Variants in INAFM1 observed in about 807,000 individuals in gnomAD.
INAFM1 encodes the protein InaF motif containing 1, also known as putative transmembrane protein INAFM1.
INAFM1 carries 11 observed loss-of-function variants against 9.4 expected under a neutral mutation model. That is an observed-to-expected ratio of 1.17 (90% confidence interval 0.74 to 1.94). INAFM1 has a LOEUF of 1.94. Ranked by LOEUF, INAFM1 falls within the 30% of genes most tolerant of loss-of-function variation. The probability of loss-of-function intolerance (pLI) is 0.00; values close to 1 mark genes in which losing one functional copy is unlikely to be tolerated. For missense variants in INAFM1, 318 were observed against 221.6 expected, an observed-to-expected ratio of 1.44 and a Z score of -2.76; for synonymous variants, 161 against 109.5, an observed-to-expected ratio of 1.47 and a Z score of -2.94.
In INAFM1 at chr19:47,275,241, C is replaced by T. The variant is rs1343119335; in HGVS notation, c.322C>T (p.Gln108Ter). 2 of 1,536,808 alleles carry T rather than the reference C, an allele frequency of 1.3e-6. No individual in the cohort carries two copies. Among genetic ancestry groups the T allele is most frequent in the Non-Finnish European group, 1.8e-6 (2 of 1,141,742 alleles). The change falls in exon 1 of 1, where the codon CAG becomes TAG. Residue 108 changes from glutamine to a stop codon, truncating the protein, a stop_gained. Transcript: ENST00000552360. LOFTEE classifies it high-confidence loss of function. ...CCCCGGCGGGCCGCGACCCCAGCTC[C>T]AGCTGCCGCTGAGCCGCCGCCGCCG... ...GVPGGPRPQL[Q>*]LPLSRRRRYS...
rs1287177042 is a variant in INAFM1, at chr19:47,275,370, G to A, written c.*22G>A. 3 of 1,531,356 alleles carry A rather than the reference G, an allele frequency of 2.0e-6. No individual in the cohort carries two copies. The highest frequency in any genetic ancestry group is 1.8e-6 in the Non-Finnish European group (2 of 1,138,092). The allele number at this position is 1,531,356 out of a possible 1,614,324, so 94.9% of individuals were successfully genotyped here. On this transcript the variant is annotated 3_prime_UTR_variant, in exon 1 of 1. Transcript: ENST00000552360. ...GTAACTCTCCCTTCCACCCCAACCC[G>A]GATCGCCAGCCCTCGAGAGCTCTGT...
Position 47,275,186 on chromosome 19 carries a change from C to A in INAFM1, c.267C>A (p.Ala89=). Reference sequence around the variant, plus strand: ...GCGTGCCGCCTGTCCCGGCGCCCGCCGCTGCCTCCCTCTCCTGCCTCCTGG... The same window carrying A: ...GCGTGCCGCCTGTCCCGGCGCCCGCAGCTGCCTCCCTCTCCTGCCTCCTGG... ...RPGVPPVPAP[A]AASLSCLLGV... is the part of the protein sequence containing the mutation. The change falls in exon 1 of 1, where the codon GCC becomes GCA. Residue 89 remains alanine (A), a synonymous_variant. Coordinates refer to ENST00000552360, the MANE Select transcript of INAFM1 (RefSeq NM_178511.6). The A allele has an allele frequency of 6.8e-7, 1 of 1,477,012 alleles. No individual in the cohort carries two copies. The highest frequency in any genetic ancestry group is 8.9e-7 in the Non-Finnish European group (1 of 1,119,886). 91.5% of individuals were successfully genotyped at this position (1,477,012 alleles called of 1,614,324 possible). A position where few individuals can be genotyped will look rare whatever the true frequency, so the allele number is the denominator to read the frequency against.
In INAFM1 at chr19:47,275,602, G is replaced by T; in HGVS notation, c.*254G>T. On this transcript the variant is annotated 3_prime_UTR_variant, in exon 1 of 1. Coordinates refer to ENST00000552360, the MANE Select transcript of INAFM1 (RefSeq NM_178511.6). ...CTGAGCTCTGTCTCCTGCCCCTCCT[G>T]CTGTGGGATGCTGAGCACAGAGCCC... The T allele has an allele frequency of 3.8e-6, 2 of 526,348 alleles. No individual in the cohort carries two copies. Among genetic ancestry groups the T allele is most frequent in the South Asian group, 5.4e-5 (2 of 36,980 alleles). The allele number at this position is 526,348 out of a possible 1,614,324, so 32.6% of individuals were successfully genotyped here. A position where few individuals can be genotyped will look rare whatever the true frequency, so the allele number is the denominator to read the frequency against.
upstream of INAFM1, chr19:47,274,804 G>A: frequency 1.4e-6 from 1 of 719,668 alleles, no homozygotes; most frequent in East Asian, 5.1e-5. Context: ...CATGCTGGCG[G>A]GGGCGGGGCC....
In INAFM1 at chr19:47,274,956, AG is replaced by A. The variant is rs1310527120; in HGVS notation, c.38del (p.Ser13ThrfsTer7). 2 of 1,371,656 alleles carry A rather than the reference AG, an allele frequency of 1.5e-6. No homozygotes were observed. Among genetic ancestry groups the A allele is most frequent in the Non-Finnish European group, 1.9e-6 (2 of 1,072,842 alleles). The allele number at this position is 1,371,656 out of a possible 1,614,324, so 85.0% of individuals were successfully genotyped here. ...CAGCTGCGTGGGCGGCGGCGCCGAG[AG>A]CCCCGGAGGCGCGGGGCTGAGCGAG... Reference protein sequence around the residue: ...GTSCVGGGAESPGGAGLSEGP... With the variant: ...GTSCVGGGAEXPGGAGLSEGP... On this transcript the variant is annotated frameshift_variant, in exon 1 of 1. Transcript: ENST00000552360. LOFTEE classifies it high-confidence loss of function.
In INAFM1 at chr19:47,275,387, G is replaced by A; in HGVS notation, c.*39G>A. 6.6e-7 allele frequency: 1 copy of A among 1,526,286 alleles called. No individual in the cohort carries two copies. Among genetic ancestry groups the A allele is most frequent in the Non-Finnish European group, 8.8e-7 (1 of 1,135,756 alleles). 94.5% of individuals were successfully genotyped at this position (1,526,286 alleles called of 1,614,324 possible). On this transcript the variant is annotated 3_prime_UTR_variant, in exon 1 of 1. Transcript: ENST00000552360. ...CCCAACCCGGATCGCCAGCCCTCGA[G>A]AGCTCTGTGCTCCACGCCGAGGATG...
At position 47,275,534 on chromosome 19, in the gene INAFM1, T is replaced by C. The variant is rs1465025834; in HGVS notation, c.*186T>C. 6 of 789,694 alleles carry C rather than the reference T, an allele frequency of 7.6e-6. No individual in the cohort carries two copies. The African/African-American group carries it at 1.1e-4, about 15-fold the overall frequency. 48.9% of individuals were successfully genotyped at this position (789,694 alleles called of 1,614,324 possible). ...TCGGGGCCTTGCCTCTTGCAGCTAC[T>C]CTGTGGTCAGGCCGGGTCCTCCACC... On this transcript the variant is annotated 3_prime_UTR_variant, in exon 1 of 1. Transcript: ENST00000552360.
In INAFM1 at chr19:47,274,928, G is replaced by C. The variant is rs995882521; in HGVS notation, c.9G>C (p.Gly3=). The C allele has an allele frequency of 1.4e-4, 184 of 1,334,560 alleles. No individual in the cohort carries two copies. Among genetic ancestry groups the C allele is most frequent in the Non-Finnish European group, 1.7e-4 (175 of 1,053,046 alleles). The allele number at this position is 1,334,560 out of a possible 1,614,324, so 82.7% of individuals were successfully genotyped here. The change falls in exon 1 of 1, where the codon GGG becomes GGC. Residue 3 remains glycine, a synonymous_variant. Transcript: ENST00000552360. MR[G]TSCVGGGAES... is the part of the protein sequence containing the mutation. The stretch of plus-strand genomic sequence containing the variant: ...CCGAGTGGGCTGCGGGGATGCGGGG[G>C]ACCAGCTGCGTGGGCGGCGGCGCCG...
Position 47,275,557 on chromosome 19 carries a change from A to C in INAFM1, c.*209A>C. ...ACTCTGTGGTCAGGCCGGGTCCTCCACCATCAGGAAGATCCCATCCTGAGC... is the reference window on the plus strand; with the variant it reads ...ACTCTGTGGTCAGGCCGGGTCCTCCCCCATCAGGAAGATCCCATCCTGAGC... On this transcript the variant is annotated 3_prime_UTR_variant, in exon 1 of 1. Transcript: ENST00000552360. 1 of 634,724 alleles carries C rather than the reference A, an allele frequency of 1.6e-6. No individual in the cohort carries two copies. Among genetic ancestry groups the C allele is most frequent in the Non-Finnish European group, 2.6e-6 (1 of 381,592 alleles). The allele number at this position is 634,724 out of a possible 1,614,324, so 39.3% of individuals were successfully genotyped here. A position where few individuals can be genotyped will look rare whatever the true frequency, so the allele number is the denominator to read the frequency against.
rs529619995 is a variant in INAFM1 at position 47,275,137 on chromosome 19, C to T, written c.218C>T (p.Ser73Phe). The change falls in exon 1 of 1, where the codon TCC becomes TTC. Residue 73 changes from serine (S) to phenylalanine (F), a missense_variant. Coordinates refer to ENST00000552360, the MANE Select transcript of INAFM1 (RefSeq NM_178511.6). Reference protein sequence around the residue: ...APAGPQPSAPSPPCAARPGVP... With the variant: ...APAGPQPSAPFPPCAARPGVP... ...GCCGGCCCACAGCCCAGCGCGCCGT[C>T]CCCTCCGTGTGCTGCCCGCCCGGGC... The T allele has an allele frequency of 1.9e-4, 283 of 1,491,180 alleles. 1 individual carries two copies. The East Asian group carries it at 4.9e-3, about 26-fold the overall frequency. The allele number at this position is 1,491,180 out of a possible 1,614,324, so 92.4% of individuals were successfully genotyped here.
upstream of INAFM1, chr19:47,274,808 C>CG (rs1244992573): frequency 1.5e-6 from 1 of 678,374 alleles, no homozygotes; most frequent in Non-Finnish European, 1.8e-6. Context: ...CTGGCGGGGG[C>CG]GGGGCCGGAG....
At position 47,275,158 on chromosome 19, in the gene INAFM1, C is replaced by G. The variant is rs759252246; in HGVS notation, c.239C>G (p.Pro80Arg). The change falls in exon 1 of 1, where the codon CCG becomes CGG. Residue 80 changes from proline (P) to arginine (R), a missense_variant. Coordinates refer to ENST00000552360, the MANE Select transcript of INAFM1 (RefSeq NM_178511.6). ...CCGTCCCCTCCGTGTGCTGCCCGCC[C>G]GGGCGTGCCGCCTGTCCCGGCGCCC... ...SAPSPPCAAR[P>R]GVPPVPAPAA... 9.0e-4 allele frequency: 1,330 copies of G among 1,478,778 alleles called. 1 individual carries two copies. Among genetic ancestry groups the G allele is most frequent in the Non-Finnish European group, 1.1e-3 (1,234 of 1,120,272 alleles). The allele number at this position is 1,478,778 out of a possible 1,614,324, so 91.6% of individuals were successfully genotyped here.
At position 47,275,123 on chromosome 19, in the gene INAFM1, G is replaced by C; in HGVS notation, c.204G>C (p.Gln68His). The C allele has an allele frequency of 6.7e-7, 1 of 1,491,548 alleles. No individual in the cohort carries two copies. Among genetic ancestry groups the C allele is most frequent in the Non-Finnish European group, 8.9e-7 (1 of 1,124,566 alleles). 92.4% of individuals were successfully genotyped at this position (1,491,548 alleles called of 1,614,324 possible). ...TRSPAAPAGP[Q>H]PSAPSPPCAA... ...CTCCCGCGGCACCCGCCGGCCCACA[G>C]CCCAGCGCGCCGTCCCCTCCGTGTG... The change falls in exon 1 of 1, where the codon CAG (glutamine) becomes CAC (histidine). Residue 68 changes from glutamine to histidine, a missense_variant. Coordinates refer to ENST00000552360, the MANE Select transcript of INAFM1 (RefSeq NM_178511.6).
chr19:47,275,023 C>T lies in INAFM1; in HGVS notation c.104C>T (p.Ala35Val), dbSNP rs1202257347. The change falls in exon 1 of 1, where the codon GCC becomes GTC. Residue 35 changes from alanine to valine, a missense_variant. Physicochemically the swap from Ala to Val is moderately conservative, Grantham distance 64 (BLOSUM62 0). Transcript: ENST00000552360. ...TGGCTGCGCTTGGCTCCGGTATGCG[C>T]CTACTTCCTCTGCGTCTCGCTAGCT... Reference protein sequence around the residue: ...GRWLRLAPVCAYFLCVSLAAV... With the variant: ...GRWLRLAPVCVYFLCVSLAAV... 2 of 1,487,370 alleles carry T rather than the reference C, an allele frequency of 1.3e-6. No homozygotes were observed. Among genetic ancestry groups the T allele is most frequent in the African/African-American group, 1.5e-5 (1 of 68,488 alleles). 92.1% of individuals were successfully genotyped at this position (1,487,370 alleles called of 1,614,324 possible).
At chr19:47,274,755 C>T (rs1319591859), upstream of INAFM1, 8 of 320,130 alleles carry the variant, frequency 2.5e-5, no homozygotes, top group Non-Finnish European at 3.8e-5. Context: ...AGGGGGTGGG[C>T]CTAGGATGCG....
rs1336682243 is a variant in INAFM1, at chr19:47,274,932, A to G, written c.13A>G (p.Ser5Gly). ...GTGGGCTGCGGGGATGCGGGGGACC[A>G]GCTGCGTGGGCGGCGGCGCCGAGAG... Reference protein sequence around the residue: MRGTSCVGGGAESPG... With the variant: MRGTGCVGGGAESPG... The change falls in exon 1 of 1, where the codon AGC becomes GGC. Residue 5 changes from serine to glycine, a missense_variant. By Grantham distance (56) the Ser-to-Gly change is moderately conservative. Coordinates refer to ENST00000552360, the MANE Select transcript of INAFM1 (RefSeq NM_178511.6). 3 of 1,327,606 alleles carry G rather than the reference A, an allele frequency of 2.3e-6. No individual in the cohort carries two copies. Among genetic ancestry groups the G allele is most frequent in the Non-Finnish European group, 2.9e-6 (3 of 1,052,172 alleles). 82.2% of individuals were successfully genotyped at this position (1,327,606 alleles called of 1,614,324 possible). A position where few individuals can be genotyped will look rare whatever the true frequency, so the allele number is the denominator to read the frequency against.
chr19:47,275,080 T>A lies in INAFM1; in HGVS notation c.161T>A (p.Ile54Asn). 6.7e-7 allele frequency: 1 copy of A among 1,496,294 alleles called. No homozygotes were observed. Among genetic ancestry groups the A allele is most frequent in the Non-Finnish European group, 8.9e-7 (1 of 1,126,440 alleles). The allele number at this position is 1,496,294 out of a possible 1,614,324, so 92.7% of individuals were successfully genotyped here. Residue 54 changes from isoleucine to asparagine, a missense_variant, in exon 1 of 1, where the codon ATC becomes AAC. Physicochemically the swap from Ile to Asn is moderately radical, Grantham distance 149. Coordinates refer to ENST00000552360, the MANE Select transcript of INAFM1 (RefSeq NM_178511.6). ...AVLLAVYYGL[I>N]WVPTRSPAAP... The stretch of plus-strand genomic sequence containing the variant: ...CTGCTCGCCGTGTACTACGGTCTCA[T>A]CTGGGTACCCACGCGGTCTCCCGCG...
In INAFM1 at chr19:47,275,363, C is replaced by T. The variant is rs1161231962; in HGVS notation, c.*15C>T. ...GACCCGGGTAACTCTCCCTTCCACC[C>T]CAACCCGGATCGCCAGCCCTCGAGA... On this transcript the variant is annotated 3_prime_UTR_variant, in exon 1 of 1. Transcript: ENST00000552360. The T allele has an allele frequency of 8.5e-6, 13 of 1,533,440 alleles. No homozygotes were observed. The highest frequency in any genetic ancestry group is 1.1e-5 in the Non-Finnish European group (13 of 1,139,122). The allele number at this position is 1,533,440 out of a possible 1,614,324, so 95.0% of individuals were successfully genotyped here.
rs2059148462 is a variant in INAFM1, at chr19:47,275,029, TC to T, written c.112del (p.Leu38SerfsTer5). On this transcript the variant is annotated frameshift_variant, in exon 1 of 1. Transcript: ENST00000552360. LOFTEE classifies it high-confidence loss of function. ...CGCTTGGCTCCGGTATGCGCCTACT[TC>T]CTCTGCGTCTCGCTAGCTGCCGTGC... ...WLRLAPVCAY[F>X]LCVSLAAVLL... 1.3e-6 allele frequency: 2 copies of T among 1,488,280 alleles called. No individual in the cohort carries two copies. Among genetic ancestry groups the T allele is most frequent in the Non-Finnish European group, 1.8e-6 (2 of 1,123,692 alleles). The allele number at this position is 1,488,280 out of a possible 1,614,324, so 92.2% of individuals were successfully genotyped here.
Sources: allele counts gnomAD v4.1 joint callset, GRCh38; gene constraint gnomAD v4.1.1; transcripts MANE v1.5; gene names NCBI Gene and HGNC (gene_info 2026-07-23, HGNC 2026-07-21).